The following PID1 variants were observed in gnomAD, a reference collection of about 807,000 sequenced individuals.
PID1 encodes the protein PTB-containing, cubilin and LRP1-interacting protein.
In PID1, 10 loss-of-function variants were observed where a neutral mutation model predicts 19.1. That is an observed-to-expected ratio of 0.52 (90% CI 0.32 to 0.89). PID1 has a LOEUF of 0.89. PID1 is among the 40% of genes least tolerant of loss of function. The pLI, the probability that PID1 is intolerant of heterozygous loss-of-function variation, is 0.03. For missense variants in PID1, 248 were observed against 285.3 expected (o/e 0.87, Z 0.94); for synonymous variants, 130 against 116.0 (o/e 1.12, Z -0.78).
At chr2:229,069,328 T>C (rs145027816) in intron 2 of PID1, among the ~76,000 whole-genome samples, 1 of 151,988 alleles carries the variant, frequency 6.6e-6, no homozygotes, top group Admixed American at 6.6e-5. Flanking sequence ...GTTCCAAGAT[T>C]TGAACTTTAG....
intron 2 of PID1, among the ~76,000 whole-genome samples, chr2:229,094,158 T>C (rs1159206434): frequency 1.3e-5 from 2 of 151,858 alleles, no homozygotes; most frequent in Non-Finnish European, 2.9e-5. Flanking sequence ...ACAACCAAGC[T>C]GGAAATCAAA....
At chr2:229,228,643 C>A (rs996791652) in intron 1 of PID1, among the ~76,000 whole-genome samples, 2 of 152,112 alleles carry the variant, frequency 1.3e-5, no homozygotes, top group African/African-American at 4.8e-5. Flanking sequence ...ATGGACACAT[C>A]CTCCTTTTGT....
intron 1 of PID1, among the ~76,000 whole-genome samples, chr2:229,219,682 G>A (rs1421520428): frequency 4.0e-5 from 6 of 151,338 alleles, no homozygotes; most frequent in African/African-American, 1.5e-4. Flanking sequence ...GACTACAGGT[G>A]TACACCACCA....
At chr2:229,139,815 G>T (rs1302601462) in intron 2 of PID1, among the ~76,000 whole-genome samples, 1 of 152,166 alleles carries the variant, frequency 6.6e-6, no homozygotes, top group Non-Finnish European at 1.5e-5. Context: ...TCTCAGCACT[G>T]GAGGATTGGC....
intron 2 of PID1, among the ~76,000 whole-genome samples, chr2:229,067,655 G>A (rs138813981): frequency 0.01 from 1,541 of 152,070 alleles, 27 homozygotes; most frequent in African/African-American, 0.034. Flanking sequence ...CCATGAAGTC[G>A]CCAGTGAGAG....
chr2:229,117,346 C>T (rs1695429829), intron 2 of PID1, among the ~76,000 whole-genome samples: 1 of 152,144 alleles, frequency 6.6e-6, no homozygotes. Flanking sequence ...TCCCTCCAGT[C>T]TTACCTCTAA....
intron 2 of PID1, among the ~76,000 whole-genome samples, chr2:229,081,716 A>G (rs1215650365): frequency 6.6e-6 from 1 of 152,240 alleles, no homozygotes; most frequent in Non-Finnish European, 1.5e-5. Flanking sequence ...AAAGGTGACT[A>G]TATCATCAAG....
rs540157664 is a variant in PID1, at chr2:229,212,251, A to G, written c.31-56287T>C. On this transcript the variant is annotated intron_variant, in intron 1 of 2. Coordinates refer to ENST00000392055, the MANE Select transcript of PID1 (RefSeq NM_001100818.2). The stretch of plus-strand genomic sequence containing the variant: ...CTCAACGCCCTTGAATCAGGCATCT[A>G]AAAGTTTCTTCTGGAGAAATTTATA... Among the ~76,000 whole-genome samples the G allele has an allele frequency of 1.1e-4, 17 of 152,348 alleles. No individual in the cohort carries two copies. In the South Asian group the frequency reaches 3.3e-3, roughly 30 times the overall value.
At chr2:229,053,440 G>A (rs1003952648) in intron 2 of PID1, among the ~76,000 whole-genome samples, 1 of 152,206 alleles carries the variant, frequency 6.6e-6, no homozygotes, top group African/African-American at 2.4e-5. Flanking sequence ...AGACAGAAGC[G>A]AATAAAACAG....
At chr2:229,087,588 A>G (rs1209551025) in intron 2 of PID1, among the ~76,000 whole-genome samples, 2 of 152,222 alleles carry the variant, frequency 1.3e-5, no homozygotes, top group Non-Finnish European at 2.9e-5. Context: ...TGTGCACATT[A>G]GACATCAATA....
chr2:229,190,539 C>G (rs1691237660), intron 1 of PID1, among the ~76,000 whole-genome samples: 1 of 152,188 alleles, frequency 6.6e-6, no homozygotes, highest in Non-Finnish European at 1.5e-5. Context: ...AACATTAAGT[C>G]CCTGTCTATA....
chr2:229,177,132 C>T (rs181424012), intron 1 of PID1, among the ~76,000 whole-genome samples: 1 of 152,286 alleles, frequency 6.6e-6, no homozygotes, highest in African/African-American at 2.4e-5. Context: ...TTAACTACCA[C>T]AAGAATAGCA....
chr2:229,186,526 C>T (rs1048747885), intron 1 of PID1, among the ~76,000 whole-genome samples: 4 of 152,230 alleles, frequency 2.6e-5, no homozygotes, highest in Non-Finnish European at 5.9e-5. Context: ...AGGCTTTCAC[C>T]CTCCGAAGCC....
intron 2 of PID1, among the ~76,000 whole-genome samples, chr2:229,028,443 C>A (rs757465372): frequency 4.6e-5 from 7 of 152,044 alleles, no homozygotes; most frequent in Non-Finnish European, 8.8e-5. Flanking sequence ...TGTTTACGCA[C>A]CAAATAAATT....
intron 2 of PID1, among the ~76,000 whole-genome samples, chr2:229,077,340 T>C (rs1254200735): frequency 1.3e-5 from 2 of 152,248 alleles, no homozygotes; most frequent in Admixed American, 6.5e-5. Context: ...AGGCTGCCTG[T>C]TCACTCTGAT....
chr2:229,192,384 G>A (rs1244782458), intron 1 of PID1, among the ~76,000 whole-genome samples: 2 of 152,128 alleles, frequency 1.3e-5, no homozygotes, highest in Non-Finnish European at 2.9e-5. Context: ...TGCTTCTACT[G>A]TCCCAACATA....
intron 1 of PID1, among the ~76,000 whole-genome samples, chr2:229,214,064 T>A (rs1328248409): frequency 1.3e-5 from 2 of 152,146 alleles, no homozygotes; most frequent in Non-Finnish European, 2.9e-5. Context: ...CAAACATAAA[T>A]GAAAGGATGA....
At chr2:229,218,768 G>A (rs1416729357) in intron 1 of PID1, among the ~76,000 whole-genome samples, 1 of 152,110 alleles carries the variant, frequency 6.6e-6, no homozygotes, top group Admixed American at 6.5e-5. Flanking sequence ...CTGCAGAGTG[G>A]GGAAGAAGGA....
chr2:229,129,789 C>T (rs947151005), intron 2 of PID1, among the ~76,000 whole-genome samples: 6 of 152,282 alleles, frequency 3.9e-5, no homozygotes. Flanking sequence ...GTACACTGGG[C>T]AGGGGCTGAC....
Sources: allele counts gnomAD v4.1 joint callset (sites outside exome capture counted in the v4.1 genomes callset), GRCh38; gene constraint gnomAD v4.1.1; transcripts MANE v1.5; gene names NCBI Gene and HGNC (gene_info 2026-07-23, HGNC 2026-07-21).